CA5B: variants seen among roughly 807,000 people sequenced by gnomAD.
CA5B encodes carbonic anhydrase 5B.
In CA5B, 15 loss-of-function variants were observed where a neutral mutation model predicts 23.1. The ratio of observed to expected loss-of-function variants is 0.65; its 90% confidence interval spans 0.43 to 1.00. The LOEUF is 1.00. CA5B is among the 50% of genes least tolerant of loss of function. The probability of loss-of-function intolerance (pLI) is 0.00; values close to 1 mark genes in which losing one functional copy is unlikely to be tolerated. For synonymous variants in CA5B, 84 were observed against 98.5 expected (o/e 0.85, Z 0.87); for missense variants, 236 against 252.2 (o/e 0.94, Z 0.43).
chrX:15,775,566 G>C, intron 6 of CA5B: 1 of 865,853 alleles, frequency 1.2e-6, no homozygotes, highest in South Asian at 5.3e-5. Flanking sequence ...CTCTGTTCCT[G>C]ACACCGGCTC....
intron 6 of CA5B, chrX:15,776,293 T>C (rs867859350): frequency 4.2e-5 from 4 of 95,443 alleles, no homozygotes; most frequent in Middle Eastern, 6.1e-3. Context: ...GAGCCGAGAT[T>C]GCACCACTGC....
At chrX:15,771,382 A>T (rs1208513135) in intron 3 of CA5B, among the ~76,000 whole-genome samples, 2 of 105,370 alleles carry the variant, frequency 1.9e-5, no homozygotes, top group African/African-American at 6.9e-5. Context: ...AAAAAAAAAA[A>T]ACACTTGTCA....
chrX:15,781,134 C>T (rs1227001318), intron 7 of CA5B, among the ~76,000 whole-genome samples: 4 of 110,761 alleles, frequency 3.6e-5, no homozygotes, highest in Middle Eastern at 4.6e-3. Context: ...TGAGCCACCA[C>T]GCCCAGCTAA....
chrX:15,769,877 C>T (rs1198276551), intron 3 of CA5B, among the ~76,000 whole-genome samples: 1 of 112,130 alleles, frequency 8.9e-6, no homozygotes, highest in Non-Finnish European at 1.9e-5. Context: ...CTGTCAGCTC[C>T]TTCTCTTTCA....
chrX:15,775,553 C>G (rs778294823), intron 6 of CA5B: 153 of 881,914 alleles, frequency 1.7e-4, no homozygotes, highest in Non-Finnish European at 2.1e-4. Context: ...TTGCTGTCCC[C>G]TCCTCTGTTC....
rs182055512 is a variant in CA5B at position 15,778,396 on chromosome X, C to A, written c.774+1527C>A. ...CTATTTCTAAACTCATGAATAAAGA[C>A]AAACACATAAATAGCCAGGGAAAAT... On this transcript the variant is annotated intron_variant, in intron 7 of 7. Coordinates refer to ENST00000318636, the MANE Select transcript of CA5B (RefSeq NM_007220.4). Among the ~76,000 whole-genome samples, 704 of 111,582 alleles carry A rather than the reference C, an allele frequency of 6.3e-3. 6 individuals carry two copies. The highest frequency in any genetic ancestry group is 7.7e-3 in the Non-Finnish European group (409 of 53,055).
Position 15,749,514 on chromosome X carries a change from G to T in CA5B, c.-53-457G>T, listed in dbSNP as rs77923488. Among the ~76,000 whole-genome samples, 13 of 111,210 alleles carry T rather than the reference G, an allele frequency of 1.2e-4. No homozygotes were observed. The East Asian group carries it at 2.8e-3, about 24-fold the overall frequency. On this transcript the variant is annotated intron_variant, in intron 1 of 7. Transcript: ENST00000318636. Reference sequence around the variant, plus strand: ...GTTTTGTTTTTGTTTTTGTTTTTTTGTTGTTGTTGTTTTGTATGCAATCTA... The same window carrying T: ...GTTTTGTTTTTGTTTTTGTTTTTTTTTTGTTGTTGTTTTGTATGCAATCTA...
chrX:15,751,729 G>A (rs1440424858), intron 2 of CA5B, among the ~76,000 whole-genome samples: 1 of 110,872 alleles, frequency 9.0e-6, no homozygotes, highest in Non-Finnish European at 1.9e-5. Context: ...AAAAACAGGG[G>A]ACAGTCACCA....
At chrX:15,764,972 T>A in intron 3 of CA5B, 197 bp downstream of exon 3, 1 of 529,802 alleles carries the variant, frequency 1.9e-6, no homozygotes. Flanking sequence ...CTAGTATAGG[T>A]AGTATTTTTA....
At chrX:15,769,454 C>T (rs1569279373) in intron 3 of CA5B, 4 of 751,687 alleles carry the variant, frequency 5.3e-6, no homozygotes, top group East Asian at 1.5e-4. Context: ...TGTCAATTAT[C>T]ATCTCCTCTG....
At chrX:15,753,806 G>A (rs1026791010) in intron 2 of CA5B, among the ~76,000 whole-genome samples, 1 of 112,202 alleles carries the variant, frequency 8.9e-6, no homozygotes, top group South Asian at 3.7e-4. Context: ...CTACTCAGGA[G>A]GCTGAGGCAA....
rs1184951889 is a variant in CA5B, at chrX:15,766,029, T to C, written c.340+1254T>C. On this transcript the variant is annotated intron_variant, in intron 3 of 7. Coordinates refer to ENST00000318636, the MANE Select transcript of CA5B (RefSeq NM_007220.4). Reference sequence around the variant, plus strand: ...AGCATTAGCCGGGTGTGGTGGCGCATGCCTGTAATCCCAGCTACTCGGGAG... The same window carrying C: ...AGCATTAGCCGGGTGTGGTGGCGCACGCCTGTAATCCCAGCTACTCGGGAG... Among the ~76,000 whole-genome samples, 7 of 107,804 alleles carry C rather than the reference T, an allele frequency of 6.5e-5. No homozygotes were observed. The East Asian group carries it at 2.0e-3, about 32-fold the overall frequency. The allele number at this position is 107,804 out of a possible 115,157, so 93.6% of individuals were successfully genotyped here.
intron 2 of CA5B, among the ~76,000 whole-genome samples, chrX:15,752,848 A>G (rs1252367593): frequency 2.7e-5 from 3 of 111,756 alleles, no homozygotes; most frequent in African/African-American, 9.8e-5. Flanking sequence ...AAGGGCAGCT[A>G]CTATAAGACT....
intron 3 of CA5B, chrX:15,766,956 T>C: frequency 2.7e-6 from 1 of 365,319 alleles, no homozygotes; most frequent in Non-Finnish European, 4.9e-6. Flanking sequence ...TTACCTTGTT[T>C]ATACGGATTC....
At chrX:15,774,626 G>T (rs1047570843) in intron 5 of CA5B, among the ~76,000 whole-genome samples, 1 of 111,311 alleles carries the variant, frequency 9.0e-6, no homozygotes, top group African/African-American at 3.3e-5. Context: ...TTGAGGTCAG[G>T]AGTTCGAGAC....
chrX:15,751,624 C>CA (rs1237045164), intron 2 of CA5B, among the ~76,000 whole-genome samples: 9 of 103,927 alleles, frequency 8.7e-5, no homozygotes, highest in South Asian at 4.1e-4. Flanking sequence ...TTAGTGCTGA[C>CA]AAAAAAAAAC....
intron 2 of CA5B, 73 bp downstream of exon 2, chrX:15,750,238 A>G: frequency 4.8e-6 from 4 of 831,137 alleles, no homozygotes; most frequent in Non-Finnish European, 6.9e-6. Context: ...CTCATCTCTT[A>G]GAAAAAAAGA....
chrX:15,744,477 A>G (rs1236230621), intron 1 of CA5B, among the ~76,000 whole-genome samples: 1 of 112,316 alleles, frequency 8.9e-6, no homozygotes, highest in Non-Finnish European at 1.9e-5. Flanking sequence ...GGCAGAGCCC[A>G]CACATCCTTT....
intron 3 of CA5B, among the ~76,000 whole-genome samples, chrX:15,770,502 C>T (rs1931796269): frequency 9.1e-6 from 1 of 110,219 alleles, no homozygotes; most frequent in Non-Finnish European, 1.9e-5. Flanking sequence ...AGGCTGGTCT[C>T]AAACTCCTGG....
Sources: gnomAD v4.1 joint callset for allele counts (sites outside exome capture counted in the v4.1 genomes callset) on GRCh38, gnomAD v4.1.1 for gene constraint, MANE v1.5 for transcripts, NCBI Gene and HGNC (gene_info 2026-07-23, HGNC 2026-07-21) for gene names.